The following SMARCC1 variants were observed in gnomAD, a reference collection of about 807,000 sequenced individuals.
SMARCC1 encodes SWI/SNF complex subunit SMARCC1.
SMARCC1 carries 43 observed loss-of-function variants against 147.4 expected under a neutral mutation model. The ratio of observed to expected loss-of-function variants is 0.29; its 90% CI spans 0.23 to 0.38. SMARCC1 has a LOEUF of 0.38. SMARCC1 is among the 10% of genes least tolerant of loss of function. The probability of loss-of-function intolerance (pLI) is 1.00; values close to 1 mark genes in which losing one functional copy is unlikely to be tolerated. For synonymous variants in SMARCC1, 495 were observed against 484.4 expected (o/e 1.02, Z -0.29); for missense variants, 1,119 against 1,381.1 (o/e 0.81, Z 3.01).
chr3:47,635,905 T>C, intron 23 of SMARCC1, 117 bp downstream of exon 23: 2 of 614,068 alleles, frequency 3.3e-6, no homozygotes, highest in Non-Finnish European at 5.7e-6. Flanking sequence ...TACTTATTGT[T>C]ACATTAAGAA....
At chr3:47,670,774 C>T (rs1006207677) in intron 18 of SMARCC1, 57 bp from the exon 19 acceptor site, 1 of 1,020,886 alleles carries the variant, frequency 9.8e-7, no homozygotes, top group African/African-American at 1.5e-5. Context: ...AGATGGAGCT[C>T]AGTAGAATTC....
At chr3:47,718,138 CAAAAAAAA>C (rs71070217) in intron 7 of SMARCC1, among the ~76,000 whole-genome samples, 4 of 53,680 alleles carry the variant, frequency 7.5e-5, no homozygotes, top group Admixed American at 6.9e-4. Context: ...GACCTTGTCT[CAAAAAAAA>C]AAAAAAAAAA....
chr3:47,682,347 T>C (rs530466915), intron 14 of SMARCC1, among the ~76,000 whole-genome samples: 1 of 150,968 alleles, frequency 6.6e-6, no homozygotes, highest in East Asian at 1.9e-4. Context: ...AGATCATAGC[T>C]AGCTCACTGT....
chr3:47,670,541 G>C (rs913903514), intron 19 of SMARCC1, 117 bp downstream of exon 19: 7 of 720,602 alleles, frequency 9.7e-6, no homozygotes, highest in African/African-American at 1.7e-5. Context: ...CTACCATCAG[G>C]CCACTGCACT....
intron 26 of SMARCC1, chr3:47,603,739 GTATTTCAT>G (rs2032424943): frequency 3.6e-6 from 1 of 278,254 alleles, no homozygotes; most frequent in Non-Finnish European, 7.1e-6. Context: ...GCAATGCTGT[GTATTTCAT>G]TAAGATCAAC....
intron 6 of SMARCC1, among the ~76,000 whole-genome samples, chr3:47,725,794 A>T (rs902467840): frequency 1.3e-5 from 2 of 151,332 alleles, no homozygotes; most frequent in African/African-American, 4.9e-5. Context: ...AGGCGCAGTG[A>T]CTCATGCCTG....
intron 22 of SMARCC1, among the ~76,000 whole-genome samples, chr3:47,636,786 A>ATGTGTG (rs771728075): frequency 8.9e-4 from 126 of 141,006 alleles, no homozygotes; most frequent in Middle Eastern, 3.5e-3. Flanking sequence ...CAAAATATAT[A>ATGTGTG]TATGTGTGTG....
chr3:47,589,897 C>T lies in SMARCC1; in HGVS notation c.3220+764G>A, dbSNP rs370398376. Among the ~76,000 whole-genome samples, 52 of 152,334 alleles carry T rather than the reference C, an allele frequency of 3.4e-4. 1 individual carries two copies. Among genetic ancestry groups the T allele is most frequent in the Admixed American group, 1.9e-3 (29 of 15,290 alleles). ...AATAGTAGCTAAACTTTTGGCCACA[C>T]GTGAACTTCTACATGAACCTAAGAT... On this transcript the variant is annotated intron_variant, in intron 27 of 27. Transcript: ENST00000254480.
chr3:47,594,789 G>A (rs1311270852), intron 26 of SMARCC1, among the ~76,000 whole-genome samples: 5 of 152,152 alleles, frequency 3.3e-5, no homozygotes, highest in South Asian at 2.1e-4. Flanking sequence ...TCCTTGTGGC[G>A]GGACTGTGAG....
intron 5 of SMARCC1, among the ~76,000 whole-genome samples, chr3:47,734,992 T>G (rs2034423165): frequency 6.6e-6 from 1 of 152,174 alleles, no homozygotes. Flanking sequence ...CTTGACCTCG[T>G]GATCCGCCCG....
intron 24 of SMARCC1, among the ~76,000 whole-genome samples, chr3:47,624,616 C>A (rs2032781096): frequency 6.6e-6 from 1 of 152,146 alleles, no homozygotes; most frequent in Admixed American, 6.5e-5. Flanking sequence ...CTAAAAAGCT[C>A]ACTTCCTACA....
intron 6 of SMARCC1, among the ~76,000 whole-genome samples, chr3:47,722,293 A>T (rs1287636398): frequency 1.4e-4 from 15 of 107,072 alleles, no homozygotes; most frequent in African/African-American, 1.8e-4. Context: ...ACAAATTTTG[A>T]TTTTTTTTTT....
At chr3:47,719,228 A>T (rs1289979137) in intron 7 of SMARCC1, among the ~76,000 whole-genome samples, 1 of 151,968 alleles carries the variant, frequency 6.6e-6, no homozygotes, top group Non-Finnish European at 1.5e-5. Flanking sequence ...TATTTTCACT[A>T]ATATCTAGCT....
chr3:47,624,010 C>T (rs1318294422), intron 24 of SMARCC1, among the ~76,000 whole-genome samples: 1 of 151,782 alleles, frequency 6.6e-6, no homozygotes, highest in African/African-American at 2.4e-5. Flanking sequence ...GGTCATTGGT[C>T]AGCCGTGGTG....
At chr3:47,598,844 A>AG (rs1369657285) in intron 26 of SMARCC1, among the ~76,000 whole-genome samples, 1 of 137,956 alleles carries the variant, frequency 7.2e-6, no homozygotes, top group Non-Finnish European at 1.6e-5. Context: ...AAAAAAAAAA[A>AG]AAAAAAAGAG....
Position 47,675,486 on chromosome 3 carries a change from T to A in SMARCC1, c.1828A>T (p.Thr610Ser), listed in dbSNP as rs1417027176. 1 of 1,581,948 alleles carries A rather than the reference T, an allele frequency of 6.3e-7. No individual in the cohort carries two copies. Reference protein sequence around the residue: ...GLRTDIYSKKTLAKSKGASAG... With the variant: ...GLRTDIYSKKSLAKSKGASAG... ...ATTAGAAAAATTACCTTTGCTAATG[T>A]TTTCTTGGAGTAAATGTCAGTACGG... The change falls in exon 18 of 28, where the codon ACA becomes TCA. Residue 610 changes from threonine to serine, a missense_variant. Transcript: ENST00000254480.
chr3:47,588,860 A>C (rs919613794), intron 27 of SMARCC1, among the ~76,000 whole-genome samples: 1 of 152,078 alleles, frequency 6.6e-6, no homozygotes, highest in Non-Finnish European at 1.5e-5. Context: ...CAGCTCCTGA[A>C]CTGCAGTCCT....
chr3:47,763,520 C>T (rs1014572388), intron 2 of SMARCC1, among the ~76,000 whole-genome samples: 1 of 151,710 alleles, frequency 6.6e-6, no homozygotes, highest in Non-Finnish European at 1.5e-5. Context: ...AAGAAAAGCT[C>T]AATTTCACAA....
chr3:47,614,100 T>C (rs747595048), intron 25 of SMARCC1, among the ~76,000 whole-genome samples: 2 of 152,198 alleles, frequency 1.3e-5, no homozygotes, highest in African/African-American at 4.8e-5. Context: ...CACCTTCCTT[T>C]TCAATGCTTT....
Sources: gnomAD v4.1 joint callset for allele counts (sites outside exome capture counted in the v4.1 genomes callset) on GRCh38, gnomAD v4.1.1 for gene constraint, MANE v1.5 for transcripts, NCBI Gene and HGNC (gene_info 2026-07-23, HGNC 2026-07-21) for gene names.